PCGF5: variants seen among roughly 807,000 people sequenced by gnomAD.
PCGF5 encodes polycomb group RING finger protein 5.
PCGF5 carries 9 observed loss-of-function variants against 44.3 expected under a neutral mutation model. The ratio of observed to expected loss-of-function variants is 0.20; its 90% CI spans 0.12 to 0.35. The LOEUF (loss-of-function observed/expected upper bound fraction) is 0.35, where lower values mean the gene tolerates loss of function less well. Ranked by LOEUF, PCGF5 falls within the 10% of genes least tolerant of loss-of-function variation. PCGF5 has a pLI of 1.00. For synonymous variants in PCGF5, 95 were observed against 102.5 expected (o/e 0.93, Z 0.44); for missense variants, 146 against 305.3 (o/e 0.48, Z 3.89).
chr10:91,250,807 T>G (rs1389040158), intron 5 of PCGF5, among the ~76,000 whole-genome samples: 1 of 151,902 alleles, frequency 6.6e-6, no homozygotes, highest in Non-Finnish European at 1.5e-5. Flanking sequence ...TATACTCGTT[T>G]TTTTTCACTG....
chr10:91,178,767 TA>T (rs5786944), intron 1 of PCGF5, among the ~76,000 whole-genome samples: 54 of 149,652 alleles, frequency 3.6e-4, no homozygotes, highest in East Asian at 1.9e-3. Flanking sequence ...TTAAAAATAG[TA>T]AAAAAAAAAA....
At chr10:91,204,821 G>T (rs1447070719) in intron 1 of PCGF5, among the ~76,000 whole-genome samples, 1 of 152,084 alleles carries the variant, frequency 6.6e-6, no homozygotes, top group African/African-American at 2.4e-5. Context: ...TTGATTCTGT[G>T]TAGGTCACCA....
Position 91,240,579 on chromosome 10 carries a change from A to T in PCGF5, c.208A>T (p.Arg70Trp). The stretch of plus-strand genomic sequence containing the variant: ...TGAGACAAATCCATTAGAAATGTTG[A>T]GGTAAGGATGTTATATTTTACAGTT... ...VHETNPLEML[R>W]LDNTLEEIIF... Residue 70 changes from arginine to tryptophan, a missense_variant and splice_region_variant, in exon 3 of 10, where the codon AGG (arginine) becomes TGG (tryptophan). By Grantham distance (101) the Arg-to-Trp change is moderately radical. Around this residue, in one of 3 missense-constraint regions of PCGF5, gnomAD observed 123 missense variants for 268.6 expected, o/e 0.46. Transcript: ENST00000336126. 6.3e-7 allele frequency: 1 copy of T among 1,595,778 alleles called. No homozygotes were observed. Among genetic ancestry groups the T allele is most frequent in the Non-Finnish European group, 8.6e-7 (1 of 1,165,644 alleles).
intron 8 of PCGF5, among the ~76,000 whole-genome samples, chr10:91,266,032 A>C (rs931234940): frequency 4.6e-5 from 7 of 152,220 alleles, no homozygotes; most frequent in African/African-American, 1.7e-4. Context: ...TACATACATC[A>C]ATCACCCTCA....
intron 1 of PCGF5, among the ~76,000 whole-genome samples, chr10:91,180,602 A>G (rs761525646): frequency 6.6e-6 from 1 of 152,224 alleles, no homozygotes; most frequent in Non-Finnish European, 1.5e-5. Flanking sequence ...ATTTATGAAT[A>G]GGGAATCCTT....
chr10:91,257,740 T>A (rs544356931), intron 6 of PCGF5, among the ~76,000 whole-genome samples: 41 of 152,206 alleles, frequency 2.7e-4, no homozygotes, highest in African/African-American at 9.4e-4. Flanking sequence ...CATTTTGTAT[T>A]TTTGGACAGT....
chr10:91,235,205 A>G (rs1845125639), intron 2 of PCGF5, among the ~76,000 whole-genome samples: 1 of 152,092 alleles, frequency 6.6e-6, no homozygotes, highest in South Asian at 2.1e-4. Flanking sequence ...ATTCTGAATT[A>G]ATTGGTCTGG....
chr10:91,261,596 G>A (rs12253956), intron 7 of PCGF5, among the ~76,000 whole-genome samples, 172 bp downstream of exon 7: 19,893 of 152,154 alleles, frequency 0.13, 2,440 homozygotes, highest in African/African-American at 0.32. Flanking sequence ...GGTAATATGT[G>A]TACTCTAATT....
intron 1 of PCGF5, among the ~76,000 whole-genome samples, chr10:91,214,457 C>G (rs1254542003): frequency 6.6e-6 from 1 of 152,078 alleles, no homozygotes; most frequent in African/African-American, 2.4e-5. Context: ...AGGTTGCTAC[C>G]AGAAGAAGGG....
intron 8 of PCGF5, among the ~76,000 whole-genome samples, chr10:91,268,890 A>G (rs558125472): frequency 6.6e-6 from 1 of 152,282 alleles, no homozygotes; most frequent in East Asian, 1.9e-4. Context: ...CAAAACAAAC[A>G]GCTGGTCAGA....
rs192141310 is a variant in PCGF5, at chr10:91,281,883, A to G, written c.*3567A>G. On this transcript the variant is annotated 3_prime_UTR_variant, in exon 10 of 10. Transcript: ENST00000336126. Reference sequence around the variant, plus strand: ...AAATCTAAATCCTCAAAGATGAGAAAGAGGTAAACACAACAAATAGCCTTC... The same window carrying G: ...AAATCTAAATCCTCAAAGATGAGAAGGAGGTAAACACAACAAATAGCCTTC... 42 of 152,362 alleles carry G rather than the reference A, an allele frequency of 2.8e-4. No individual in the cohort carries two copies. Among genetic ancestry groups the G allele is most frequent in the African/African-American group, 9.4e-4 (39 of 41,584 alleles). 9.4% of individuals were successfully genotyped at this position (152,362 alleles called of 1,614,324 possible).
intron 9 of PCGF5, among the ~76,000 whole-genome samples, chr10:91,275,690 T>C (rs539584476): frequency 1.3e-5 from 2 of 151,732 alleles, no homozygotes; most frequent in Non-Finnish European, 2.9e-5. Context: ...CTTGACCTCG[T>C]GATCTGCCCG....
At chr10:91,181,464 C>G (rs992948256) in intron 1 of PCGF5, among the ~76,000 whole-genome samples, 2 of 152,178 alleles carry the variant, frequency 1.3e-5, no homozygotes, top group Non-Finnish European at 2.9e-5. Context: ...CCATCTTTTG[C>G]TCATTCAGTA....
At chr10:91,226,383 A>T (rs926141928) in intron 2 of PCGF5, among the ~76,000 whole-genome samples, 1 of 151,842 alleles carries the variant, frequency 6.6e-6, no homozygotes, top group African/African-American at 2.4e-5. Context: ...ATACTGGAGC[A>T]GAATGATATG....
At chr10:91,213,628 CTTTTTTTTTTCT>C (rs1349305463) in intron 1 of PCGF5, among the ~76,000 whole-genome samples, 31 of 146,186 alleles carry the variant, frequency 2.1e-4, no homozygotes, top group Admixed American at 8.2e-4. Flanking sequence ...CCACACCAGG[CTTTTTTTTTTCT>C]TTTTTTTTTT....
chr10:91,195,483 TATAGAGAG>T (rs1207778970), intron 1 of PCGF5, among the ~76,000 whole-genome samples: 49 of 102,082 alleles, frequency 4.8e-4, no homozygotes, highest in African/African-American at 1.6e-3. Context: ...TATATATATA[TATAGAGAG>T]AGAGAGAGAG....
At chr10:91,235,891 T>G (rs1049719322) in intron 2 of PCGF5, among the ~76,000 whole-genome samples, 2 of 152,278 alleles carry the variant, frequency 1.3e-5, no homozygotes, top group East Asian at 1.9e-4. Context: ...TTTTGTGAAT[T>G]GCACAGTCTC....
the PCGF5 span, among the ~76,000 whole-genome samples, chr10:91,157,876 T>C: frequency 6.6e-6 from 1 of 152,204 alleles, no homozygotes; most frequent in East Asian, 1.9e-4. Flanking sequence ...AATTAATCCT[T>C]TGGATTCCTT....
At chr10:91,234,387 C>T (rs1203444152) in intron 2 of PCGF5, among the ~76,000 whole-genome samples, 1 of 152,190 alleles carries the variant, frequency 6.6e-6, no homozygotes, top group South Asian at 2.1e-4. Context: ...ACACACCTCA[C>T]CCTACCCCAG....
Sources: allele counts gnomAD v4.1 joint callset (sites outside exome capture counted in the v4.1 genomes callset), GRCh38; gene constraint gnomAD v4.1.1; regional missense constraint gnomAD v4.1.1; transcripts MANE v1.5; gene names NCBI Gene and HGNC (gene_info 2026-07-23, HGNC 2026-07-21).